Variants in PLCH1 observed in about 807,000 individuals in gnomAD.
PLCH1 encodes 1-phosphatidylinositol 4,5-bisphosphate phosphodiesterase eta-1.
PLCH1 carries 60 observed loss-of-function variants against 126.7 expected under a neutral mutation model. The observed-to-expected ratio is 0.47, with a 90% CI of 0.38 to 0.59. The LOEUF is 0.59. Ranked by LOEUF, PLCH1 falls within the 20% of genes least tolerant of loss-of-function variation. PLCH1 has a pLI of 0.00. For missense variants in PLCH1, 1,723 were observed against 2,040.0 expected (o/e 0.84, Z 2.99); for synonymous variants, 719 against 734.9 (o/e 0.98, Z 0.35).
chr3:155,607,470 A>G (rs1247555736), intron 2 of PLCH1, among the ~76,000 whole-genome samples: 1 of 151,510 alleles, frequency 6.6e-6, no homozygotes, highest in Non-Finnish European at 1.5e-5. Context: ...TTCTTTTGAG[A>G]CAGCTTGTCA....
intron 6 of PLCH1, among the ~76,000 whole-genome samples, chr3:155,577,462 A>G (rs894020495): frequency 7.9e-5 from 12 of 152,144 alleles, no homozygotes; most frequent in Non-Finnish European, 1.6e-4. Context: ...TATGTTACAA[A>G]TATTTTCCTA....
chr3:155,620,403 T>C (rs940470080), intron 2 of PLCH1, among the ~76,000 whole-genome samples: 13 of 152,076 alleles, frequency 8.5e-5, no homozygotes, highest in Admixed American at 7.9e-4. Flanking sequence ...TACCCTATGA[T>C]TGGTGTGGTT....
rs1430918040 is a variant in PLCH1, at chr3:155,481,641, A to G, written c.4385T>C (p.Val1462Ala). 1 of 1,614,126 alleles carries G rather than the reference A, an allele frequency of 6.2e-7. No individual in the cohort carries two copies. The highest frequency in any genetic ancestry group is 8.5e-7 in the Non-Finnish European group (1 of 1,179,994). The change falls in exon 23 of 23, where the codon GTC becomes GCC. Residue 1462 changes from valine (V) to alanine (A), a missense_variant. This residue lies in a region of PLCH1 where 947 missense variants were observed against 977.1 expected (regional missense o/e 0.97). Transcript: ENST00000460012. The surrounding 1 kb of genome is among the most constrained non-coding windows in gnomAD (Gnocchi z 4.2). The part of the protein sequence containing the change: ...PQQSSAQDMH[V>A]PVPKQLAHLP... ...ATGTGCCAACTGCTTGGGTACAGGGACATGCATATCTTGAGCACTAGATTG... is the reference window on the plus strand; with the variant it reads ...ATGTGCCAACTGCTTGGGTACAGGGGCATGCATATCTTGAGCACTAGATTG...
chr3:155,660,059 C>T (rs1430335707), intron 2 of PLCH1, among the ~76,000 whole-genome samples: 1 of 152,170 alleles, frequency 6.6e-6, no homozygotes, highest in Non-Finnish European at 1.5e-5. Flanking sequence ...GAATCATTAC[C>T]TATATTCATG....
At chr3:155,677,064 G>A (rs530602135) in intron 2 of PLCH1, among the ~76,000 whole-genome samples, 1 of 152,288 alleles carries the variant, frequency 6.6e-6, no homozygotes, top group African/African-American at 2.4e-5. Context: ...TTGCATTGAG[G>A]CATTGTAACT....
rs1241077645 is a variant in PLCH1, at chr3:155,561,578, A to G, written c.1069+3337T>C. 3.0e-4 allele frequency among the ~76,000 whole-genome samples: 45 copies of G among 152,004 alleles called. 1 individual carries two copies. In the East Asian group the frequency reaches 6.8e-3, roughly 23 times the overall value. Reference sequence around the variant, plus strand: ...TTCCAAGCCTTTGCTATTGTGAATAATGCCGCAATAAACATACGTGTGCAT... The same window carrying G: ...TTCCAAGCCTTTGCTATTGTGAATAGTGCCGCAATAAACATACGTGTGCAT... On this transcript the variant is annotated intron_variant, in intron 8 of 22. Coordinates refer to ENST00000460012, the MANE Select transcript of PLCH1 (RefSeq NM_014996.4).
chr3:155,458,391 AAG>A (rs1560027098), intron 21 of PLCH1, among the ~76,000 whole-genome samples: 12 of 24,358 alleles, frequency 4.9e-4, no homozygotes, highest in African/African-American at 2.1e-3. Context: ...AGAAAGAAGG[AAG>A]GAAGGAAGGA....
chr3:155,478,466 A>C (rs559581428), downstream of PLCH1, among the ~76,000 whole-genome samples: 1 of 152,174 alleles, frequency 6.6e-6, no homozygotes, highest in Non-Finnish European at 1.5e-5. Flanking sequence ...TCCATTCTCC[A>C]TGATGTGCTT....
chr3:155,739,412 A>G (rs1250688083), intron 1 of PLCH1, among the ~76,000 whole-genome samples: 2 of 152,212 alleles, frequency 1.3e-5, no homozygotes, highest in East Asian at 3.8e-4. Flanking sequence ...GAGCAAGTCG[A>G]TGTGGAAAAA....
At chr3:155,673,832 A>T (rs1364300885) in intron 2 of PLCH1, among the ~76,000 whole-genome samples, 3 of 152,302 alleles carry the variant, frequency 2.0e-5, no homozygotes, top group Admixed American at 6.5e-5. Flanking sequence ...GCCATGGGGG[A>T]AATTAGTAGC....
intron 2 of PLCH1, among the ~76,000 whole-genome samples, chr3:155,609,442 G>A (rs1734772746): frequency 6.6e-6 from 1 of 152,026 alleles, no homozygotes; most frequent in Non-Finnish European, 1.5e-5. Context: ...ACCCAAAGGA[G>A]AAAGAACCAA....
intron 4 of PLCH1, among the ~76,000 whole-genome samples, chr3:155,587,309 A>G (rs1280871312): frequency 6.6e-6 from 1 of 152,248 alleles, no homozygotes; most frequent in Admixed American, 6.5e-5. Flanking sequence ...CCCATGGTAC[A>G]TGATCTTTTC....
intron 13 of PLCH1, among the ~76,000 whole-genome samples, chr3:155,504,299 T>C (rs1174660364): frequency 6.6e-6 from 1 of 152,208 alleles, no homozygotes; most frequent in East Asian, 1.9e-4. Context: ...TTTAAGATGT[T>C]AAATACAGTT....
intron 12 of PLCH1, among the ~76,000 whole-genome samples, chr3:155,511,701 C>T (rs1486110992): frequency 1.4e-5 from 2 of 142,324 alleles, no homozygotes; most frequent in South Asian, 2.3e-4. Context: ...AGGAGGCAGT[C>T]TGCCCGTTCT....
intron 12 of PLCH1, among the ~76,000 whole-genome samples, chr3:155,506,050 G>A (rs954622764): frequency 7.2e-5 from 11 of 152,112 alleles, no homozygotes; most frequent in East Asian, 1.9e-4. Flanking sequence ...TATAAAGCAC[G>A]GCTGTCACAG....
Position 155,550,705 on chromosome 3 carries a change from T to C in PLCH1, c.1191-747A>G, listed in dbSNP as rs1312813774. Among the ~76,000 whole-genome samples the C allele has an allele frequency of 3.3e-5, 5 of 152,202 alleles. No homozygotes were observed. In the East Asian group the frequency reaches 7.7e-4, roughly 23 times the overall value. ...TTATTTTTTCCTCAGAATAAGAAATTATTTCAAATTCAGGTTCATTGACTT... is the reference window on the plus strand; with the variant it reads ...TTATTTTTTCCTCAGAATAAGAAATCATTTCAAATTCAGGTTCATTGACTT... On this transcript the variant is annotated intron_variant, in intron 9 of 22. Transcript: ENST00000460012.
At chr3:155,573,070 T>G (rs1239343589) in intron 6 of PLCH1, among the ~76,000 whole-genome samples, 1 of 152,188 alleles carries the variant, frequency 6.6e-6, no homozygotes, top group Non-Finnish European at 1.5e-5. Flanking sequence ...TTGCTCTTGC[T>G]TTATGGCAAC....
intron 1 of PLCH1, among the ~76,000 whole-genome samples, chr3:155,736,976 C>T (rs1056745098): frequency 3.3e-5 from 5 of 151,792 alleles, no homozygotes; most frequent in African/African-American, 4.8e-5. Flanking sequence ...ATGCCTGTAA[C>T]CTCAGCACTT....
chr3:155,499,027 C>A (rs948708443), intron 14 of PLCH1, among the ~76,000 whole-genome samples: 2 of 152,166 alleles, frequency 1.3e-5, no homozygotes, highest in Admixed American at 1.3e-4. Flanking sequence ...TTAGGAAGGG[C>A]AGAGGAGATG....
Sources: gnomAD v4.1 joint callset for allele counts (sites outside exome capture counted in the v4.1 genomes callset) on GRCh38, gnomAD v4.1.1 for gene constraint, gnomAD v4.1.1 regional missense constraint, Gnocchi (gnomAD v3.1) non-coding constraint, MANE v1.5 for transcripts, NCBI Gene and HGNC (gene_info 2026-07-23, HGNC 2026-07-21) for gene names.